Variants in FBXL17 observed in about 807,000 individuals in gnomAD.
FBXL17 encodes the protein F-box and leucine rich repeat protein 17.
In FBXL17, 22 loss-of-function variants were observed where a neutral mutation model predicts 66.2. The observed-to-expected ratio is 0.33, with a 90% CI of 0.24 to 0.47. The LOEUF (loss-of-function observed/expected upper bound fraction) is 0.47. FBXL17 is among the 20% of genes least tolerant of loss of function. The pLI is 1.00. For missense variants in FBXL17, 878 were observed against 948.2 expected (o/e 0.93, Z 0.97); for synonymous variants, 474 against 400.5 (o/e 1.18, Z -2.19).
At chr5:108,238,810 TG>T (rs1218543007) in intron 4 of FBXL17, among the ~76,000 whole-genome samples, 2 of 152,286 alleles carry the variant, frequency 1.3e-5, no homozygotes, top group South Asian at 4.1e-4. Flanking sequence ...TGCACCCAGC[TG>T]AACTGTTACT....
At chr5:108,116,773 A>G (rs1304018435) in intron 6 of FBXL17, among the ~76,000 whole-genome samples, 4 of 152,168 alleles carry the variant, frequency 2.6e-5, no homozygotes, top group African/African-American at 9.7e-5. Flanking sequence ...ACTCAAAAAA[A>G]CAGCTCAGAT....
chr5:108,285,840 A>C (rs1347508844), intron 4 of FBXL17, among the ~76,000 whole-genome samples: 2 of 151,882 alleles, frequency 1.3e-5, no homozygotes, highest in South Asian at 4.1e-4. Flanking sequence ...AAATAAAAAA[A>C]AAACAAACTT....
intron 6 of FBXL17, among the ~76,000 whole-genome samples, chr5:108,185,671 T>C (rs1446830392): frequency 1.3e-5 from 2 of 152,108 alleles, no homozygotes; most frequent in Non-Finnish European, 2.9e-5. Flanking sequence ...TAGGAAACAC[T>C]GTGAGACTCC....
At chr5:108,160,804 C>G (rs1294731999) in intron 6 of FBXL17, among the ~76,000 whole-genome samples, 2 of 152,142 alleles carry the variant, frequency 1.3e-5, no homozygotes, top group Non-Finnish European at 2.9e-5. Context: ...GTGGTCCATG[C>G]ACATGCACCT....
chr5:108,312,647 A>G (rs925873580), intron 4 of FBXL17, among the ~76,000 whole-genome samples: 1 of 152,304 alleles, frequency 6.6e-6, no homozygotes, highest in East Asian at 1.9e-4. Flanking sequence ...GTAATACTAT[A>G]GTAAAAATAA....
chr5:107,877,270 T>C (rs1321294461), intron 8 of FBXL17, among the ~76,000 whole-genome samples: 2 of 152,212 alleles, frequency 1.3e-5, no homozygotes, highest in Admixed American at 6.5e-5. Context: ...GAATCACCAA[T>C]GTTGCAGCCA....
chr5:108,314,707 TATTTC>T (rs1417905387), intron 4 of FBXL17, among the ~76,000 whole-genome samples: 2 of 151,540 alleles, frequency 1.3e-5, no homozygotes, highest in Non-Finnish European at 3.0e-5. Context: ...ATGATGAATT[TATTTC>T]ATTTCATTAT....
chr5:108,035,161 C>T (rs1240554495), intron 6 of FBXL17, among the ~76,000 whole-genome samples: 1 of 151,988 alleles, frequency 6.6e-6, no homozygotes, highest in African/African-American at 2.4e-5. Flanking sequence ...ATGTTTATAC[C>T]TTTCTTCTAA....
intron 4 of FBXL17, among the ~76,000 whole-genome samples, chr5:108,239,214 A>T (rs1755743065): frequency 1.3e-5 from 2 of 152,188 alleles, no homozygotes. Flanking sequence ...ACAACTATCC[A>T]CATAAAAAAG....
intron 6 of FBXL17, among the ~76,000 whole-genome samples, chr5:108,120,819 T>G (rs998241806): frequency 6.6e-6 from 1 of 152,070 alleles, no homozygotes. Context: ...AATAAATACT[T>G]GTTTCACTGA....
intron 7 of FBXL17, among the ~76,000 whole-genome samples, chr5:107,975,539 T>A (rs1233686063): frequency 6.6e-6 from 1 of 152,154 alleles, no homozygotes; most frequent in Non-Finnish European, 1.5e-5. Flanking sequence ...GTAGGTGAAA[T>A]CTTAAAATGA....
At chr5:107,910,616 C>A (rs1199198260) in intron 7 of FBXL17, among the ~76,000 whole-genome samples, 2 of 152,008 alleles carry the variant, frequency 1.3e-5, no homozygotes, top group Non-Finnish European at 2.9e-5. Flanking sequence ...GCAAAATGAT[C>A]AGGATTTCCA....
intron 4 of FBXL17, among the ~76,000 whole-genome samples, chr5:108,226,909 T>C (rs928592326): frequency 6.6e-6 from 1 of 152,128 alleles, no homozygotes; most frequent in Non-Finnish European, 1.5e-5. Context: ...TTTACACCAT[T>C]AGTTTTTGTA....
chr5:107,900,836 C>T (rs1474921519), intron 7 of FBXL17, among the ~76,000 whole-genome samples: 1 of 151,990 alleles, frequency 6.6e-6, no homozygotes, highest in African/African-American at 2.4e-5. Flanking sequence ...CAAGTTGCAT[C>T]CACAGAGAAC....
At chr5:108,363,545 C>G (rs747711210) in intron 3 of FBXL17, among the ~76,000 whole-genome samples, 15 of 151,946 alleles carry the variant, frequency 9.9e-5, no homozygotes, top group Non-Finnish European at 2.2e-4. Flanking sequence ...GTAACAGGCT[C>G]CAAAATACCT....
At chr5:108,365,105 T>C (rs987108209) in intron 2 of FBXL17, 110 bp from the exon 3 acceptor site, 1 of 706,714 alleles carries the variant, frequency 1.4e-6, no homozygotes, top group African/African-American at 1.8e-5. Flanking sequence ...GATTATAGCA[T>C]GAACGATATA....
At position 107,906,060 on chromosome 5, in the gene FBXL17, C is replaced by CT. The variant is rs201479673; in HGVS notation, c.1823-24882dup. Among the ~76,000 whole-genome samples the CT allele has an allele frequency of 3.3e-3, 469 of 142,066 alleles. 1 individual carries two copies. Among genetic ancestry groups the CT allele is most frequent in the East Asian group, 0.012 (59 of 4,908 alleles). The allele number at this position is 142,066 out of a possible 152,430, so 93.2% of individuals were successfully genotyped here. ...GGCAGACTACATGCCTAGAGTGAAGCTTTTTTTTTTTTTCAAGAAGTTTAG... is the reference window on the plus strand; with the variant it reads ...GGCAGACTACATGCCTAGAGTGAAGCTTTTTTTTTTTTTTCAAGAAGTTTAG... On this transcript the variant is annotated intron_variant, in intron 7 of 8. Coordinates refer to ENST00000542267, the MANE Select transcript of FBXL17 (RefSeq NM_001163315.3).
At chr5:107,970,527 T>C (rs1752329421) in intron 7 of FBXL17, among the ~76,000 whole-genome samples, 1 of 152,090 alleles carries the variant, frequency 6.6e-6, no homozygotes, top group Non-Finnish European at 1.5e-5. Context: ...GAATCTATGA[T>C]CAAAGCCAAA....
At chr5:108,316,522 A>T (rs1466855328) in intron 4 of FBXL17, among the ~76,000 whole-genome samples, 1 of 151,444 alleles carries the variant, frequency 6.6e-6, no homozygotes, top group Non-Finnish European at 1.5e-5. Context: ...TATCATATAA[A>T]TAATAGCTAT....
Sources: allele counts gnomAD v4.1 joint callset (sites outside exome capture counted in the v4.1 genomes callset), GRCh38; gene constraint gnomAD v4.1.1; transcripts MANE v1.5; gene names NCBI Gene and HGNC (gene_info 2026-07-23, HGNC 2026-07-21).